ACTR2: variants seen among roughly 807,000 people sequenced by gnomAD.
ACTR2 encodes the protein actin-related protein 2.
A neutral mutation model predicts 50.2 loss-of-function variants in ACTR2; 5 were observed. That is an observed-to-expected ratio of 0.10 (90% CI 0.05 to 0.21). The LOEUF (loss-of-function observed/expected upper bound fraction) is 0.21, where lower values mean the gene tolerates loss of function less well. Ranked by LOEUF, ACTR2 falls within the 10% of genes least tolerant of loss-of-function variation. The pLI is 1.00. For missense variants in ACTR2, 180 were observed against 480.6 expected, an observed-to-expected ratio of 0.37 and a Z score of 5.85; for synonymous variants, 140 against 162.9, an observed-to-expected ratio of 0.86 and a Z score of 1.07.
At chr2:65,245,768 C>G (rs1671925826) in intron 2 of ACTR2, among the ~76,000 whole-genome samples, 1 of 152,108 alleles carries the variant, frequency 6.6e-6, no homozygotes, top group South Asian at 2.1e-4. Flanking sequence ...CTTAAGTATG[C>G]TCTCATTGGA....
At chr2:65,241,597 G>A (rs1429649508) in intron 2 of ACTR2, among the ~76,000 whole-genome samples, 1 of 152,190 alleles carries the variant, frequency 6.6e-6, no homozygotes, top group South Asian at 2.1e-4. Flanking sequence ...AGATACCTGT[G>A]TCAAATAAAT....
intron 1 of ACTR2, among the ~76,000 whole-genome samples, chr2:65,233,256 A>AAGTGCTGG (rs1395551472): frequency 1.2e-4 from 19 of 152,056 alleles, no homozygotes; most frequent in Non-Finnish European, 2.4e-4. Context: ...CAGCCTCCCA[A>AAGTGCTGG]AGTGCTGGGA....
chr2:65,236,064 A>ACT (rs1671733106), intron 1 of ACTR2, among the ~76,000 whole-genome samples: 1 of 152,166 alleles, frequency 6.6e-6, no homozygotes, highest in African/African-American at 2.4e-5. Flanking sequence ...TTTTTAAAAG[A>ACT]CTAAGTGGGG....
intron 1 of ACTR2, among the ~76,000 whole-genome samples, chr2:65,229,705 G>A (rs149364769): frequency 1.7e-4 from 24 of 138,254 alleles, no homozygotes; most frequent in African/African-American, 6.4e-4. Context: ...GCAGTGAGCC[G>A]AGATCGCACC....
chr2:65,231,810 CT>C (rs1671642084), intron 1 of ACTR2, among the ~76,000 whole-genome samples: 1 of 152,152 alleles, frequency 6.6e-6, no homozygotes, highest in African/African-American at 2.4e-5. Context: ...GAGGAATTGT[CT>C]TGGGCCACAC....
Position 65,251,019 on chromosome 2 carries a change from A to G in ACTR2, c.376-8A>G, listed in dbSNP as rs780995860. 4.2e-5 allele frequency: 67 copies of G among 1,586,994 alleles called. No homozygotes were observed. Among genetic ancestry groups the G allele is most frequent in the Non-Finnish European group, 5.5e-5 (64 of 1,168,268 alleles). On this transcript the variant is annotated splice_region_variant and splice_polypyrimidine_tract_variant and intron_variant, in intron 3 of 8. Transcript: ENST00000260641. ...TACCAGTTTTTTTCTTTCTGTCTGC[A>G]TTTACAGGTAATGTTTGAAACTTAC...
At chr2:65,228,604 G>T (rs568419338) in intron 1 of ACTR2, among the ~76,000 whole-genome samples, 53 of 152,120 alleles carry the variant, frequency 3.5e-4, no homozygotes, top group Non-Finnish European at 6.2e-4. Context: ...ACGGAGACCA[G>T]CATGTTCCAT....
At chr2:65,231,966 A>T (rs7608149) in intron 1 of ACTR2, among the ~76,000 whole-genome samples, 55,155 of 152,168 alleles carry the variant, frequency 0.36, 11,931 homozygotes, top group African/African-American at 0.6. Flanking sequence ...ACAAGTTTGT[A>T]CTTACGATCA....
At position 65,270,004 on chromosome 2, in the gene ACTR2, G is replaced by T. The variant is rs922086018; in HGVS notation, c.*1270G>T. 2.0e-5 allele frequency: 3 copies of T among 152,082 alleles called. No individual in the cohort carries two copies. The highest frequency in any genetic ancestry group is 2.1e-4 in the South Asian group (1 of 4,824). The allele number at this position is 152,082 out of a possible 1,614,324, so 9.4% of individuals were successfully genotyped here. ...TTGAAAGAAGAGTCTTTGGTATTTT[G>T]TAAACGTTAGCAGACTTTCCTGCCA... On this transcript the variant is annotated 3_prime_UTR_variant, in exon 9 of 9. Coordinates refer to ENST00000260641, the MANE Select transcript of ACTR2 (RefSeq NM_005722.4).
At chr2:65,236,212 G>A (rs1156420072) in intron 1 of ACTR2, among the ~76,000 whole-genome samples, 1 of 151,898 alleles carries the variant, frequency 6.6e-6, no homozygotes, top group Admixed American at 6.6e-5. Context: ...GGTGGCAGGC[G>A]CCTGTAGTCC....
At chr2:65,228,017 C>A in intron 1 of ACTR2, 60 bp downstream of exon 1, 1 of 1,447,624 alleles carries the variant, frequency 6.9e-7, no homozygotes. Context: ...GAGCAGCTGG[C>A]GCACGGGCCC....
In ACTR2 at chr2:65,239,894, A is replaced by G. The variant is rs988199602; in HGVS notation, c.91A>G (p.Ile31Val). The G allele has an allele frequency of 6.2e-7, 1 of 1,613,300 alleles. No individual in the cohort carries two copies. Among genetic ancestry groups the G allele is most frequent in the African/African-American group, 1.3e-5 (1 of 74,930 alleles). ...TGCAGGCTCTAACTTTCCAGAACAC[A>G]TCTTCCCAGCTTTGGTTGGAAGACC... ...GYAGSNFPEH[I>V]FPALVGRPII... The change falls in exon 2 of 9, where the codon ATC (isoleucine) becomes GTC (valine). Residue 31 changes from isoleucine (I) to valine (V), a missense_variant. Coordinates refer to ENST00000260641, the MANE Select transcript of ACTR2 (RefSeq NM_005722.4).
intron 5 of ACTR2, among the ~76,000 whole-genome samples, chr2:65,254,079 T>C (rs999363797): frequency 3.3e-5 from 5 of 152,186 alleles, no homozygotes; most frequent in African/African-American, 1.2e-4. Context: ...TGTACACACA[T>C]GATCTCTGTA....
Position 65,265,504 on chromosome 2 carries a change from T to C in ACTR2, c.1014+329T>C, listed in dbSNP as rs184994302. Reference sequence around the variant, plus strand: ...TAAATGCCCCACTTGAGTTTTGTTCTTTTTTTAAACTTATTTTTTGGATAT... The same window carrying C: ...TAAATGCCCCACTTGAGTTTTGTTCCTTTTTTAAACTTATTTTTTGGATAT... On this transcript the variant is annotated intron_variant, in intron 8 of 8. Coordinates refer to ENST00000260641, the MANE Select transcript of ACTR2 (RefSeq NM_005722.4). 7.6e-3 allele frequency among the ~76,000 whole-genome samples: 1,157 copies of C among 152,322 alleles called. 8 individuals carry two copies. The highest frequency in any genetic ancestry group is 0.012 in the Non-Finnish European group (803 of 68,030).
chr2:65,260,090 C>G (rs571037490), intron 6 of ACTR2, among the ~76,000 whole-genome samples: 1 of 152,280 alleles, frequency 6.6e-6, no homozygotes, highest in Non-Finnish European at 1.5e-5. Context: ...GTTCTGTAAA[C>G]TTTTTTGATC....
chr2:65,246,820 A>G (rs997377301), intron 3 of ACTR2, 81 bp downstream of exon 3: 207 of 980,100 alleles, frequency 2.1e-4, no homozygotes, highest in Non-Finnish European at 3.0e-4. Context: ...GTTGCTATGG[A>G]TAAAGAGAAT....
chr2:65,266,684 G>A (rs1022571426), intron 8 of ACTR2, among the ~76,000 whole-genome samples: 1 of 152,102 alleles, frequency 6.6e-6, no homozygotes, highest in African/African-American at 2.4e-5. Context: ...GACCAGTTAG[G>A]AGGCACTGAG....
chr2:65,247,161 T>G (rs1671952990), intron 3 of ACTR2, among the ~76,000 whole-genome samples: 1 of 152,118 alleles, frequency 6.6e-6, no homozygotes, highest in Non-Finnish European at 1.5e-5. Flanking sequence ...CCCTCCCTAC[T>G]CACGTGCAAA....
intron 2 of ACTR2, 110 bp downstream of exon 2, chr2:65,240,072 A>T (rs925178445): frequency 5.8e-6 from 4 of 693,672 alleles, no homozygotes; most frequent in African/African-American, 5.4e-5. Flanking sequence ...ATGAAAAGCA[A>T]AGGGGAGGGT....
Sources: gnomAD v4.1 joint callset for allele counts (sites outside exome capture counted in the v4.1 genomes callset) on GRCh38, gnomAD v4.1.1 for gene constraint, MANE v1.5 for transcripts, NCBI Gene and HGNC (gene_info 2026-07-23, HGNC 2026-07-21) for gene names.